CHRNA7: variants seen among roughly 807,000 people sequenced by gnomAD.
The protein encoded by CHRNA7 is neuronal acetylcholine receptor subunit alpha-7.
CHRNA7 carries 17 observed loss-of-function variants against 48.0 expected under a neutral mutation model. The ratio of observed to expected loss-of-function variants is 0.35; its 90% confidence interval spans 0.24 to 0.53. The LOEUF is 0.53. Among genes scored for constraint, CHRNA7 ranks in the 20% least tolerant of loss-of-function variants. The pLI, the probability that CHRNA7 is intolerant of heterozygous loss-of-function variation, is 0.92. For missense variants in CHRNA7, 155 were observed against 577.7 expected (o/e 0.27, Z 7.50); for synonymous variants, 75 against 242.3 (o/e 0.31, Z 6.41).
chr15:32,166,345 C>T (rs2052141886), intron 9 of CHRNA7: 1 of 152,228 alleles, frequency 6.6e-6, no homozygotes, highest in Non-Finnish European at 1.5e-5. Context: ...GTCCCTGCTC[C>T]TTACTGATCA....
In CHRNA7 at chr15:32,168,758, T is replaced by TGGTA; in HGVS notation, c.*300_*301insGGTA. 1 of 44,616 alleles carries TGGTA rather than the reference T, an allele frequency of 2.2e-5. No individual in the cohort carries two copies. The highest frequency in any genetic ancestry group is 3.9e-5 in the Non-Finnish European group (1 of 25,346). The allele number at this position is 44,616 out of a possible 1,614,324, so 2.8% of individuals were successfully genotyped here. ...CTGCCTGGAAAGCCCTTCGGAGAGC[T>TGGTA]CCCCATGGCTCCTCACCACCGAGAC... On this transcript the variant is annotated 3_prime_UTR_variant, in exon 10 of 10. Transcript: ENST00000306901.
intron 2 of CHRNA7, among the ~76,000 whole-genome samples, chr15:32,066,337 G>A (rs900826346): frequency 6.6e-6 from 1 of 151,248 alleles, no homozygotes; most frequent in African/African-American, 2.4e-5. Flanking sequence ...GCTGGAGTGC[G>A]GTGGCGCGAT....
chr15:32,112,852 G>T (rs1225949694), intron 4 of CHRNA7, among the ~76,000 whole-genome samples: 1 of 142,902 alleles, frequency 7.0e-6, no homozygotes, highest in African/African-American at 2.7e-5. Context: ...CTCTGTCTTT[G>T]CATCTGGGGG....
chr15:32,091,355 CTTTT>C (rs1420328790), intron 2 of CHRNA7, among the ~76,000 whole-genome samples: 1 of 151,910 alleles, frequency 6.6e-6, no homozygotes, highest in Non-Finnish European at 1.5e-5. Flanking sequence ...TATTTTCTTT[CTTTT>C]GTCTTTTTTG....
intron 4 of CHRNA7, among the ~76,000 whole-genome samples, chr15:32,119,997 C>T (rs1283777479): frequency 2.6e-5 from 4 of 152,230 alleles, no homozygotes; most frequent in Non-Finnish European, 5.9e-5. Flanking sequence ...TTGCCCGCAG[C>T]TCCTGGTCTT....
chr15:32,083,585 G>A (rs2050249890), intron 2 of CHRNA7, among the ~76,000 whole-genome samples: 1 of 152,150 alleles, frequency 6.6e-6, no homozygotes, highest in African/African-American at 2.4e-5. Context: ...GATAAGGAGG[G>A]TGGATGGTGT....
intron 3 of CHRNA7, among the ~76,000 whole-genome samples, chr15:32,104,128 T>C (rs982368014): frequency 2.0e-5 from 3 of 152,118 alleles, no homozygotes; most frequent in Non-Finnish European, 4.4e-5. Context: ...CTGGACAGCA[T>C]AGGAACTGAA....
chr15:32,060,463 A>C (rs910927661), intron 2 of CHRNA7, among the ~76,000 whole-genome samples: 1 of 152,230 alleles, frequency 6.6e-6, no homozygotes, highest in Non-Finnish European at 1.5e-5. Flanking sequence ...CCACTGTAAG[A>C]ATAGAAATAG....
chr15:32,050,501 T>C (rs2049648587), intron 2 of CHRNA7, among the ~76,000 whole-genome samples: 1 of 152,216 alleles, frequency 6.6e-6, no homozygotes, highest in Non-Finnish European at 1.5e-5. Context: ...CTCCATCAGC[T>C]CCTTTAAGAA....
intron 2 of CHRNA7, among the ~76,000 whole-genome samples, chr15:32,097,422 T>C (rs1358021909): frequency 1.3e-5 from 2 of 152,080 alleles, no homozygotes; most frequent in Non-Finnish European, 2.9e-5. Flanking sequence ...ATGGTCCCCA[T>C]ATATACAAGG....
intron 2 of CHRNA7, among the ~76,000 whole-genome samples, chr15:32,050,405 A>G (rs2049645890): frequency 6.6e-6 from 1 of 152,018 alleles, no homozygotes; most frequent in Non-Finnish European, 1.5e-5. Context: ...TTCATCTTCC[A>G]TCGCTGATAC....
At chr15:32,069,381 G>A (rs982223805) in intron 2 of CHRNA7, among the ~76,000 whole-genome samples, 18 of 152,312 alleles carry the variant, frequency 1.2e-4, no homozygotes, top group Non-Finnish European at 2.2e-4. Context: ...CCTGATGGCC[G>A]AAACCTGTAG....
intron 3 of CHRNA7, among the ~76,000 whole-genome samples, chr15:32,110,618 C>T (rs1319848013): frequency 6.6e-6 from 1 of 152,190 alleles, no homozygotes; most frequent in Admixed American, 6.5e-5. Flanking sequence ...CTTGTTGTAT[C>T]AATAGCTCTA....
At chr15:32,071,953 AT>A (rs2050065297) in intron 2 of CHRNA7, among the ~76,000 whole-genome samples, 1 of 152,196 alleles carries the variant, frequency 6.6e-6, no homozygotes, top group Non-Finnish European at 1.5e-5. Flanking sequence ...TGAGGAATTA[AT>A]TTTGGAACTG....
chr15:32,112,113 T>C (rs2050772061), intron 4 of CHRNA7: 1 of 629,308 alleles, frequency 1.6e-6, no homozygotes, highest in Admixed American at 2.2e-5. Context: ...GTGCACACGC[T>C]GGCTAGCCTG....
chr15:32,052,241 T>C (rs571982543), intron 2 of CHRNA7, among the ~76,000 whole-genome samples: 1 of 151,154 alleles, frequency 6.6e-6, no homozygotes, highest in African/African-American at 2.4e-5. Context: ...TTGTTCTCAC[T>C]GGAGAGTTGA....
chr15:32,097,699 AC>A (rs2050495549), intron 2 of CHRNA7, among the ~76,000 whole-genome samples: 1 of 152,328 alleles, frequency 6.6e-6, no homozygotes, highest in African/African-American at 2.4e-5. Context: ...CCTGTGGAAT[AC>A]TGTTCTTCGG....
intron 4 of CHRNA7, among the ~76,000 whole-genome samples, chr15:32,152,921 T>G (rs2051661439): frequency 6.6e-6 from 1 of 152,142 alleles, no homozygotes; most frequent in Admixed American, 6.5e-5. Context: ...TGTGTGGGTG[T>G]GTGTCCTTTA....
At chr15:32,076,494 G>A (rs1473305474) in intron 2 of CHRNA7, among the ~76,000 whole-genome samples, 2 of 152,046 alleles carry the variant, frequency 1.3e-5, no homozygotes, top group Non-Finnish European at 2.9e-5. Context: ...TTAGATTAAG[G>A]TTTACATGCT....
Sources: gnomAD v4.1 joint callset for allele counts (sites outside exome capture counted in the v4.1 genomes callset) on GRCh38, gnomAD v4.1.1 for gene constraint, MANE v1.5 for transcripts, NCBI Gene and HGNC (gene_info 2026-07-23, HGNC 2026-07-21) for gene names.